The following MYO15B variants were observed in gnomAD, a reference collection of about 807,000 sequenced individuals.
The protein encoded by MYO15B is myosin XVB, also known as myosin XVB pseudogene.
In MYO15B, 207 loss-of-function variants were observed where a neutral mutation model predicts 119.3. The ratio of observed to expected loss-of-function variants is 1.73; its 90% CI spans 1.55 to 1.95. The LOEUF (loss-of-function observed/expected upper bound fraction) is 1.95. MYO15B is among the 30% of genes most tolerant of loss of function. The pLI is 0.00. For synonymous variants in MYO15B, 966 were observed against 498.9 expected (o/e 1.94, Z -12.48); for missense variants, 2,264 against 1,203.1 (o/e 1.88, Z -13.04).
chr17:75,606,475 C>G (rs2057658914), intron 21 of MYO15B, among the ~76,000 whole-genome samples: 1 of 37,106 alleles, frequency 2.7e-5, no homozygotes, highest in Non-Finnish European at 5.1e-5. Context: ...CCACCACACT[C>G]AGCTAATTTT....
chr17:75,624,247 C>T (rs547347741), exon 56 of MYO15B: 128 of 702,950 alleles, frequency 1.8e-4, no homozygotes, highest in Non-Finnish European at 2.6e-4. Flanking sequence ...ATGCCCCCAC[C>T]GGGTGAAATG....
chr17:75,605,691 A>C, intron 20 of MYO15B, 70 bp downstream of exon 20: 1 of 688,234 alleles, frequency 1.5e-6, no homozygotes, highest in Non-Finnish European at 2.7e-6. Context: ...CTGGGCCCAA[A>C]GGGACAAACC....
At chr17:75,590,047 C>T (rs1231501689) in exon 1 of MYO15B, 1 of 399,048 alleles carries the variant, frequency 2.5e-6, no homozygotes, top group Non-Finnish European at 4.4e-6. Flanking sequence ...GGAGACCCGC[C>T]TGCAGCAGGA....
exon 37 of MYO15B, chr17:75,616,091 A>T: frequency 1.7e-6 from 1 of 578,364 alleles, no homozygotes; most frequent in Non-Finnish European, 3.1e-6. Flanking sequence ...GAGGCTGAAG[A>T]CAGGCCCTAT....
intron 23 of MYO15B, among the ~76,000 whole-genome samples, chr17:75,611,214 A>G (rs943590417): frequency 6.6e-6 from 1 of 152,076 alleles, no homozygotes; most frequent in Admixed American, 6.6e-5. Context: ...CTGTAATCCC[A>G]GCACTTTGAG....
chr17:75,602,781 G>T (rs1402737373), intron 16 of MYO15B, 49 bp from the exon 17 acceptor site: 1 of 606,560 alleles, frequency 1.6e-6, no homozygotes, highest in Non-Finnish European at 2.9e-6. Context: ...GCTGCAGGGT[G>T]GATGGGCACG....
Position 75,590,821 on chromosome 17 carries a change from C to G in MYO15B, c.2251-86C>G. 1.3e-5 allele frequency: 3 copies of G among 234,750 alleles called. No homozygotes were observed. In the South Asian group the frequency reaches 2.3e-4, roughly 18 times the overall value. 14.5% of individuals were successfully genotyped at this position (234,750 alleles called of 1,614,324 possible). ...TAGGCGGTGAACCCTCTCTGGAGCCCTGCAGAGTGGGACTGAGGGGCTGGG... is the reference window on the plus strand; with the variant it reads ...TAGGCGGTGAACCCTCTCTGGAGCCGTGCAGAGTGGGACTGAGGGGCTGGG... On this transcript the variant is annotated intron_variant, in intron 2 of 63. Coordinates refer to ENST00000645453, the Ensembl canonical transcript of MYO15B.
Position 75,621,483 on chromosome 17 carries a change from T to G in MYO15B, c.7936-18T>G, listed in dbSNP as rs911963174. On this transcript the variant is annotated intron_variant, in intron 51 of 63. Transcript: ENST00000645453. ...CCCACGGCCCCCCAGACCCATGGCCTCCTCTCTTTGGCCACAGGCTCCCAT... is the reference window on the plus strand; with the variant it reads ...CCCACGGCCCCCCAGACCCATGGCCGCCTCTCTTTGGCCACAGGCTCCCAT... The G allele has an allele frequency of 1.9e-5, 13 of 701,170 alleles. No individual in the cohort carries two copies. The highest frequency in any genetic ancestry group is 2.1e-5 in the Non-Finnish European group (8 of 383,680). The allele number at this position is 701,170 out of a possible 1,614,324, so 43.4% of individuals were successfully genotyped here.
chr17:75,601,409 G>A (rs765428370), intron 14 of MYO15B, 29 bp from the exon 15 acceptor site: 7 of 702,402 alleles, frequency 1.0e-5, no homozygotes, highest in Admixed American at 2.0e-5. Flanking sequence ...GTGCAGAGGC[G>A]TGAAGGGAGC....
chr17:75,596,183 G>A (rs1029652678), intron 12 of MYO15B, among the ~76,000 whole-genome samples: 5 of 152,184 alleles, frequency 3.3e-5, no homozygotes, highest in African/African-American at 4.8e-5. Flanking sequence ...AGGGAAAGTC[G>A]CCTTCCAAGC....
intron 62 of MYO15B, 47 bp from the exon 63 acceptor site, chr17:75,626,041 G>A (rs930461593): frequency 3.2e-5 from 22 of 697,568 alleles, no homozygotes; most frequent in Non-Finnish European, 4.7e-5. Flanking sequence ...CACCCACAAT[G>A]ACCCCTCCCC....
At chr17:75,604,709 C>T (rs2057511941) in intron 19 of MYO15B, among the ~76,000 whole-genome samples, 1 of 151,870 alleles carries the variant, frequency 6.6e-6, no homozygotes, top group African/African-American at 2.4e-5. Context: ...AGCTCCAGCG[C>T]AGAGACCCTC....
chr17:75,620,584 G>T, exon 49 of MYO15B: 1 of 702,878 alleles, frequency 1.4e-6, no homozygotes, highest in Non-Finnish European at 2.6e-6. Context: ...TGGCACAAGG[G>T]TCAGCTGTCC....
Position 75,626,247 on chromosome 17 carries a change from G to T in MYO15B, c.9213+19G>T, listed in dbSNP as rs1190125699. 1.4e-6 allele frequency: 1 copy of T among 702,100 alleles called. No individual in the cohort carries two copies. Among genetic ancestry groups the T allele is most frequent in the Non-Finnish European group, 2.6e-6 (1 of 384,634 alleles). The allele number at this position is 702,100 out of a possible 1,614,324, so 43.5% of individuals were successfully genotyped here. The stretch of plus-strand genomic sequence containing the variant: ...GCCACAGGTGAGTGGCCAGGCCTCT[G>T]GCCACCTTGCGAAGGTGGATGTGAG... On this transcript the variant is annotated intron_variant, in intron 63 of 63. Coordinates refer to ENST00000645453, the Ensembl canonical transcript of MYO15B.
chr17:75,591,571 T>C, intron 4 of MYO15B, 30 bp from the exon 5 acceptor site: 1 of 702,816 alleles, frequency 1.4e-6, no homozygotes, highest in South Asian at 1.5e-5. Flanking sequence ...TGCCCCTCCC[T>C]GGAGACCCTA....
rs1441548754 is a variant in MYO15B at position 75,595,427 on chromosome 17, C to T, written c.3297+455C>T. Among the ~76,000 whole-genome samples, 2 of 152,146 alleles carry T rather than the reference C, an allele frequency of 1.3e-5. 1 individual carries two copies. On this transcript the variant is annotated intron_variant, in intron 12 of 63. Coordinates refer to ENST00000645453, the Ensembl canonical transcript of MYO15B. ...GCTGTCCTCCTGCTGGGAGGAGTTG[C>T]TTAGTGCAGCAGACAGAGCAGAGGC...
intron 14 of MYO15B, among the ~76,000 whole-genome samples, chr17:75,597,246 T>C (rs551607361): frequency 6.6e-6 from 1 of 152,312 alleles, no homozygotes; most frequent in East Asian, 1.9e-4. Context: ...CTCACAATTG[T>C]GGCTAGGTGG....
exon 59 of MYO15B, chr17:75,624,854 C>G (rs1486812898): frequency 1.4e-6 from 1 of 703,034 alleles, no homozygotes; most frequent in Non-Finnish European, 2.6e-6. Context: ...CAGCCGGCGG[C>G]TCCACTGGGA....
At position 75,591,188 on chromosome 17, in the gene MYO15B, G is replaced by A. The variant is rs545037477; in HGVS notation, c.2377G>A (p.Val793Met). 5 of 702,932 alleles carry A rather than the reference G, an allele frequency of 7.1e-6. No individual in the cohort carries two copies. The Admixed American group carries it at 8.0e-5, about 11-fold the overall frequency. 43.5% of individuals were successfully genotyped at this position (702,932 alleles called of 1,614,324 possible). A position where few individuals can be genotyped will look rare whatever the true frequency, so the allele number is the denominator to read the frequency against. The stretch of plus-strand genomic sequence containing the variant: ...CTCCCTCAGACACATCTTTGCCATC[G>A]TGGCATCAGCCTATGACCTGGCTCA... The change falls in exon 4 of 64, where the codon GTG becomes ATG. Residue 793 changes from valine (V) to methionine (M), a missense_variant. By Grantham distance (21) the Val-to-Met change is conservative. Coordinates refer to ENST00000645453, the Ensembl canonical transcript of MYO15B.
Sources: gnomAD v4.1 joint callset for allele counts (sites outside exome capture counted in the v4.1 genomes callset) on GRCh38, gnomAD v4.1.1 for gene constraint, MANE v1.5 for transcripts, NCBI Gene and HGNC (gene_info 2026-07-23, HGNC 2026-07-21) for gene names.